GPC5: variants seen among roughly 807,000 people sequenced by gnomAD.
The protein encoded by GPC5 is glypican-5.
GPC5 carries 47 observed loss-of-function variants against 53.9 expected under a neutral mutation model. That is an observed-to-expected ratio of 0.87 (90% CI 0.69 to 1.11). The LOEUF (loss-of-function observed/expected upper bound fraction) is 1.11, where lower values mean the gene tolerates loss of function less well. Among genes scored for constraint, GPC5 ranks in the 50% most tolerant of loss-of-function variants. The probability of loss-of-function intolerance (pLI) is 0.00; values close to 1 mark genes in which losing one functional copy is unlikely to be tolerated. For synonymous variants in GPC5, 286 were observed against 263.3 expected (o/e 1.09, Z -0.84); for missense variants, 748 against 713.1 (o/e 1.05, Z -0.56).
chr13:92,000,504 T>C (rs1447377251), intron 6 of GPC5, among the ~76,000 whole-genome samples: 1 of 152,202 alleles, frequency 6.6e-6, no homozygotes, highest in Admixed American at 6.6e-5. Flanking sequence ...AGTCAATGTT[T>C]GGAAGGTTGT....
At chr13:92,006,628 C>T (rs2040609152) in intron 6 of GPC5, among the ~76,000 whole-genome samples, 1 of 152,066 alleles carries the variant, frequency 6.6e-6, no homozygotes. Context: ...AAAACATTTA[C>T]CTTTAAGTTA....
At chr13:92,198,883 T>A (rs1016672239) in intron 7 of GPC5, among the ~76,000 whole-genome samples, 1 of 152,158 alleles carries the variant, frequency 6.6e-6, no homozygotes, top group Non-Finnish European at 1.5e-5. Flanking sequence ...CCAGGTCTTA[T>A]TCCATTAATT....
At chr13:92,478,705 G>A (rs1879239400) in intron 7 of GPC5, among the ~76,000 whole-genome samples, 1 of 152,092 alleles carries the variant, frequency 6.6e-6, no homozygotes, top group African/African-American at 2.4e-5. Flanking sequence ...AAGAAATGCA[G>A]TTACACCTCT....
intron 6 of GPC5, among the ~76,000 whole-genome samples, chr13:92,085,818 G>A (rs1323629510): frequency 2.6e-5 from 4 of 152,124 alleles, no homozygotes. Context: ...ATACTCCTAT[G>A]AGAATCTGAT....
chr13:91,906,038 C>A (rs563116900), intron 5 of GPC5, among the ~76,000 whole-genome samples: 4 of 151,974 alleles, frequency 2.6e-5, no homozygotes, highest in Non-Finnish European at 2.9e-5. Flanking sequence ...CCTCACCCCC[C>A]CTGCCAACGT....
chr13:92,607,756 C>T lies in GPC5; in HGVS notation c.1562-258526C>T, dbSNP rs1000954021. On this transcript the variant is annotated intron_variant, in intron 7 of 7. Coordinates refer to ENST00000377067, the MANE Select transcript of GPC5 (RefSeq NM_004466.6). ...TTTAATGTATGCATTTCATCACATACTTACTATTTTTTGTGGTGACAACAC... is the reference window on the plus strand; with the variant it reads ...TTTAATGTATGCATTTCATCACATATTTACTATTTTTTGTGGTGACAACAC... 1.6e-4 allele frequency among the ~76,000 whole-genome samples: 25 copies of T among 152,214 alleles called. No individual in the cohort carries two copies. In the South Asian group the frequency reaches 2.3e-3, roughly 14 times the overall value.
intron 5 of GPC5, among the ~76,000 whole-genome samples, chr13:91,828,461 C>A (rs2038608873): frequency 6.6e-6 from 1 of 151,970 alleles, no homozygotes; most frequent in African/African-American, 2.4e-5. Context: ...GAGTACCTCA[C>A]AGCAATGTCA....
intron 6 of GPC5, among the ~76,000 whole-genome samples, chr13:91,974,949 C>G (rs1011347988): frequency 2.0e-5 from 3 of 152,024 alleles, no homozygotes; most frequent in East Asian, 1.9e-4. Context: ...AGAACAGAGC[C>G]CTCAGAAATA....
chr13:92,629,279 T>C (rs769932367), intron 7 of GPC5, among the ~76,000 whole-genome samples: 4 of 152,174 alleles, frequency 2.6e-5, no homozygotes, highest in Non-Finnish European at 4.4e-5. Context: ...AACAGCCTAG[T>C]CCTATTATTA....
intron 7 of GPC5, among the ~76,000 whole-genome samples, chr13:92,554,346 C>T (rs1273969977): frequency 6.6e-6 from 1 of 151,624 alleles, no homozygotes; most frequent in Non-Finnish European, 1.5e-5. Flanking sequence ...AACAGTGAAG[C>T]ATACTGATTC....
chr13:91,432,203 C>CTG (rs757953581), intron 1 of GPC5, among the ~76,000 whole-genome samples: 7,512 of 136,222 alleles, frequency 0.055, 286 homozygotes, highest in Admixed American at 0.073. Context: ...GCTGCTGCTG[C>CTG]TGTGTGTGTG....
intron 4 of GPC5, among the ~76,000 whole-genome samples, chr13:91,755,916 G>A (rs2037279609): frequency 6.6e-6 from 1 of 152,032 alleles, no homozygotes; most frequent in Non-Finnish European, 1.5e-5. Context: ...TTAGATGATA[G>A]CAGGTAGTGA....
At chr13:92,503,914 A>T (rs1880276834) in intron 7 of GPC5, among the ~76,000 whole-genome samples, 1 of 151,966 alleles carries the variant, frequency 6.6e-6, no homozygotes, top group Non-Finnish European at 1.5e-5. Flanking sequence ...TTTCTGATAA[A>T]TTCTAGGGAA....
chr13:91,814,785 C>T (rs1330463329), intron 5 of GPC5, among the ~76,000 whole-genome samples: 1 of 152,122 alleles, frequency 6.6e-6, no homozygotes, highest in Non-Finnish European at 1.5e-5. Flanking sequence ...AGGTGATCCG[C>T]CCACCTCAGC....
intron 5 of GPC5, among the ~76,000 whole-genome samples, chr13:91,840,875 G>GT (rs1194661609): frequency 1.3e-5 from 2 of 151,668 alleles, no homozygotes; most frequent in East Asian, 3.9e-4. Context: ...AATGCTACTG[G>GT]TAACAGTACA....
At chr13:92,134,411 T>C (rs565053738) in intron 6 of GPC5, among the ~76,000 whole-genome samples, 29 of 152,264 alleles carry the variant, frequency 1.9e-4, no homozygotes, top group African/African-American at 6.7e-4. Flanking sequence ...TTCAAATATA[T>C]ACGTTAAAAT....
At chr13:91,683,397 C>T (rs1214436004) in intron 2 of GPC5, among the ~76,000 whole-genome samples, 2 of 152,134 alleles carry the variant, frequency 1.3e-5, no homozygotes, top group Non-Finnish European at 2.9e-5. Flanking sequence ...GTTATTTAGA[C>T]TGGGAAATTA....
chr13:92,586,014 A>G (rs1384715477), intron 7 of GPC5, among the ~76,000 whole-genome samples: 2 of 152,218 alleles, frequency 1.3e-5, no homozygotes, highest in South Asian at 2.1e-4. Context: ...AAAACTGACT[A>G]ATACGCCTGG....
In GPC5 at chr13:91,428,781, G is replaced by T. The variant is rs181102026; in HGVS notation, c.164-19980G>T. Reference sequence around the variant, plus strand: ...GTTTTAAGTGATTCTAAGGGAACACGTGCTTATTTGAACATAAAGCTTTTC... The same window carrying T: ...GTTTTAAGTGATTCTAAGGGAACACTTGCTTATTTGAACATAAAGCTTTTC... On this transcript the variant is annotated intron_variant, in intron 1 of 7. Transcript: ENST00000377067. 3.4e-4 allele frequency among the ~76,000 whole-genome samples: 51 copies of T among 151,926 alleles called. No individual in the cohort carries two copies. The East Asian group carries it at 9.5e-3, about 28-fold the overall frequency.
Sources: gnomAD v4.1 joint callset for allele counts (sites outside exome capture counted in the v4.1 genomes callset) on GRCh38, gnomAD v4.1.1 for gene constraint, MANE v1.5 for transcripts, NCBI Gene and HGNC (gene_info 2026-07-23, HGNC 2026-07-21) for gene names.